The following UBE2E2 variants were observed in gnomAD, a reference collection of about 807,000 sequenced individuals.
The protein encoded by UBE2E2 is ubiquitin conjugating enzyme E2 E2.
In UBE2E2, 6 loss-of-function variants were observed where a neutral mutation model predicts 24.7. That is an observed-to-expected ratio of 0.24 (90% CI 0.13 to 0.48). The LOEUF (loss-of-function observed/expected upper bound fraction) is 0.48, where lower values mean the gene tolerates loss of function less well. Ranked by LOEUF, UBE2E2 falls within the 20% of genes least tolerant of loss-of-function variation. UBE2E2 has a pLI of 0.99. For synonymous variants in UBE2E2, 104 were observed against 83.6 expected (o/e 1.24, Z -1.33); for missense variants, 169 against 245.0 (o/e 0.69, Z 2.07).
intron 3 of UBE2E2, among the ~76,000 whole-genome samples, chr3:23,356,048 A>G (rs1396851077): frequency 6.6e-6 from 1 of 152,238 alleles, no homozygotes; most frequent in Non-Finnish European, 1.5e-5. Context: ...AATTAATTGT[A>G]TAGAAAGCTG....
intron 3 of UBE2E2, among the ~76,000 whole-genome samples, chr3:23,236,122 A>G (rs564453760): frequency 6.6e-6 from 1 of 152,278 alleles, no homozygotes; most frequent in South Asian, 2.1e-4. Flanking sequence ...AGGGGGTAGG[A>G]GGAAAACCAG....
chr3:23,300,956 C>A (rs981931218), intron 3 of UBE2E2, among the ~76,000 whole-genome samples: 4 of 152,182 alleles, frequency 2.6e-5, no homozygotes, highest in African/African-American at 9.6e-5. Flanking sequence ...CACATAGTCC[C>A]ATATTTCTTG....
intron 3 of UBE2E2, among the ~76,000 whole-genome samples, chr3:23,275,140 A>G (rs1447254032): frequency 6.6e-6 from 1 of 152,244 alleles, no homozygotes; most frequent in Non-Finnish European, 1.5e-5. Flanking sequence ...GGATGTGCTT[A>G]ACAATTACTG....
At chr3:23,435,273 A>G (rs888427335) in intron 3 of UBE2E2, among the ~76,000 whole-genome samples, 1 of 152,250 alleles carries the variant, frequency 6.6e-6, no homozygotes, top group African/African-American at 2.4e-5. Flanking sequence ...ACTGCTAGAT[A>G]CAACACACAA....
intron 3 of UBE2E2, among the ~76,000 whole-genome samples, chr3:23,352,496 TAAAG>T (rs1176758217): frequency 1.3e-5 from 2 of 151,398 alleles, no homozygotes; most frequent in African/African-American, 4.9e-5. Flanking sequence ...GCAAGACTAA[TAAAG>T]AAGAAAAGAG....
intron 3 of UBE2E2, among the ~76,000 whole-genome samples, chr3:23,232,299 C>G (rs886281013): frequency 2.0e-5 from 3 of 152,180 alleles, no homozygotes; most frequent in African/African-American, 7.2e-5. Context: ...AGAACAAATA[C>G]TATTTCAAAA....
intron 3 of UBE2E2, among the ~76,000 whole-genome samples, chr3:23,400,409 A>T (rs1220128843): frequency 6.6e-6 from 1 of 152,050 alleles, no homozygotes; most frequent in African/African-American, 2.4e-5. Flanking sequence ...GGCTCAAGTG[A>T]TCCTCTTGCC....
At chr3:23,466,781 C>T (rs1447210847) in intron 3 of UBE2E2, among the ~76,000 whole-genome samples, 1 of 152,006 alleles carries the variant, frequency 6.6e-6, no homozygotes, top group Non-Finnish European at 1.5e-5. Context: ...ATTGGCCAGG[C>T]TGGTCTCGAA....
At chr3:23,395,910 T>C (rs1697062018) in intron 3 of UBE2E2, among the ~76,000 whole-genome samples, 1 of 152,202 alleles carries the variant, frequency 6.6e-6, no homozygotes, top group Non-Finnish European at 1.5e-5. Context: ...CAAGTGAATA[T>C]AATGAAATGG....
At chr3:23,242,721 G>A (rs1158398184) in intron 3 of UBE2E2, among the ~76,000 whole-genome samples, 3 of 152,128 alleles carry the variant, frequency 2.0e-5, no homozygotes, top group East Asian at 1.9e-4. Context: ...GTGGCATTAA[G>A]TTAGTAAATT....
At chr3:23,518,232 A>G (rs973513043) in intron 4 of UBE2E2, among the ~76,000 whole-genome samples, 2 of 151,832 alleles carry the variant, frequency 1.3e-5, no homozygotes, top group South Asian at 2.1e-4. Context: ...AAATCATGTC[A>G]GAAATCATAG....
chr3:23,370,833 T>C (rs1696381786), intron 3 of UBE2E2, among the ~76,000 whole-genome samples: 1 of 152,088 alleles, frequency 6.6e-6, no homozygotes, highest in African/African-American at 2.4e-5. Flanking sequence ...AGGAAGGTGA[T>C]AAACAAATGG....
In UBE2E2 at chr3:23,242,158, G is replaced by A. The variant is rs533760022; in HGVS notation, c.227+24846G>A. On this transcript the variant is annotated intron_variant, in intron 3 of 5. Transcript: ENST00000396703. ...CTTGAAACTCATGACCTCCTGCCTTGACCTCCCAAATGATCCTCCTGCTTT... is the reference window on the plus strand; with the variant it reads ...CTTGAAACTCATGACCTCCTGCCTTAACCTCCCAAATGATCCTCCTGCTTT... 3.9e-5 allele frequency among the ~76,000 whole-genome samples: 6 copies of A among 152,098 alleles called. No homozygotes were observed. In the South Asian group the frequency reaches 8.3e-4, roughly 21 times the overall value.
chr3:23,356,056 C>T (rs565993205), intron 3 of UBE2E2, among the ~76,000 whole-genome samples: 21 of 152,106 alleles, frequency 1.4e-4, no homozygotes, highest in Non-Finnish European at 2.5e-4. Flanking sequence ...GTATAGAAAG[C>T]TGGGCTTGGA....
At chr3:23,480,539 C>CGA in intron 3 of UBE2E2, among the ~76,000 whole-genome samples, 1 of 151,958 alleles carries the variant, frequency 6.6e-6, no homozygotes, top group Non-Finnish European at 1.5e-5. Context: ...GTGCAGCCCT[C>CGA]GCTGCGCCTC....
intron 3 of UBE2E2, among the ~76,000 whole-genome samples, chr3:23,406,188 T>G (rs1697352986): frequency 6.6e-6 from 1 of 152,240 alleles, no homozygotes. Context: ...CTCTCCAGTT[T>G]GTAAAGATTT....
chr3:23,403,843 A>C lies in UBE2E2; in HGVS notation c.228-95765A>C, dbSNP rs921097399. Among the ~76,000 whole-genome samples, 8 of 150,970 alleles carry C rather than the reference A, an allele frequency of 5.3e-5. No individual in the cohort carries two copies. The East Asian group carries it at 1.6e-3, about 29-fold the overall frequency. ...AAAAAAAAAGCCATTGTAGGATAGT[A>C]GTAATTTTAAAAACATAGAGGACAA... is the stretch of plus-strand genomic sequence containing the variant. On this transcript the variant is annotated intron_variant, in intron 3 of 5. Transcript: ENST00000396703.
chr3:23,341,814 ACAG>A (rs1230490818), intron 3 of UBE2E2, among the ~76,000 whole-genome samples: 2 of 152,192 alleles, frequency 1.3e-5, no homozygotes, highest in African/African-American at 2.4e-5. Context: ...TGAAAAGTAA[ACAG>A]CAGTCAGCTA....
intron 3 of UBE2E2, among the ~76,000 whole-genome samples, chr3:23,321,120 A>G (rs939947253): frequency 6.6e-6 from 1 of 152,036 alleles, no homozygotes; most frequent in Admixed American, 6.6e-5. Flanking sequence ...ATTTTTTCTC[A>G]TGTGTCTGTG....
Sources: gnomAD v4.1 joint callset for allele counts (sites outside exome capture counted in the v4.1 genomes callset) on GRCh38, gnomAD v4.1.1 for gene constraint, MANE v1.5 for transcripts, NCBI Gene and HGNC (gene_info 2026-07-23, HGNC 2026-07-21) for gene names.